FBXO17: variants seen among roughly 807,000 people sequenced by gnomAD.
FBXO17 encodes F-box protein 17.
A neutral mutation model predicts 34.1 loss-of-function variants in FBXO17; 43 were observed. The ratio of observed to expected loss-of-function variants is 1.26; its 90% CI spans 0.99 to 1.62. The LOEUF (loss-of-function observed/expected upper bound fraction) is 1.62. Ranked by LOEUF, FBXO17 falls within the 40% of genes most tolerant of loss-of-function variation. The pLI, the probability that FBXO17 is intolerant of heterozygous loss-of-function variation, is 0.00. For synonymous variants in FBXO17, 169 were observed against 166.0 expected, an observed-to-expected ratio of 1.02 and a Z score of -0.14; for missense variants, 424 against 386.7, an observed-to-expected ratio of 1.10 and a Z score of -0.81.
intron 1 of FBXO17, among the ~76,000 whole-genome samples, chr19:38,958,240 G>A (rs1047511882): frequency 5.3e-5 from 8 of 151,012 alleles, no homozygotes; most frequent in Non-Finnish European, 8.9e-5. Flanking sequence ...GGTGAAACCC[G>A]TCTCTACTAA....
chr19:38,961,077 G>A (rs909359572), intron 1 of FBXO17, among the ~76,000 whole-genome samples: 2 of 151,930 alleles, frequency 1.3e-5, no homozygotes, highest in African/African-American at 4.8e-5. Flanking sequence ...TAAAGTGTTG[G>A]GATTACAGGC....
intron 1 of FBXO17, among the ~76,000 whole-genome samples, chr19:38,971,734 C>A (rs1975393514): frequency 6.6e-6 from 1 of 151,618 alleles, no homozygotes; most frequent in African/African-American, 2.4e-5. Context: ...CTGCAGTGAG[C>A]CAAGACTGTG....
At position 38,975,114 on chromosome 19, in the gene FBXO17, C is replaced by T. The variant is rs928361072; in HGVS notation, c.-18+472G>A. On this transcript the variant is annotated intron_variant, in intron 1 of 5. Coordinates refer to ENST00000292852, the MANE Select transcript of FBXO17 (RefSeq NM_024907.7). This position sits in a 1 kb window ranked among gnomAD's most constrained non-coding sequence, Gnocchi z 4.9. The stretch of plus-strand genomic sequence containing the variant: ...GGGCCGCAGCGAAACACATAATGTG[C>T]CCAAGTTGCTAAATCGAGAAACCGC... Among the ~76,000 whole-genome samples the T allele has an allele frequency of 1.3e-5, 2 of 152,132 alleles. No individual in the cohort carries two copies. The highest frequency in any genetic ancestry group is 2.1e-4 in the South Asian group (1 of 4,832).
In FBXO17 at chr19:38,942,715, G is replaced by A. The variant is rs140379005; in HGVS notation, c.730C>T (p.Arg244Cys). Reference protein sequence around the residue: ...HVFTNFGKGIRYVSFEQYGRD... With the variant: ...HVFTNFGKGICYVSFEQYGRD... Reference sequence around the variant, plus strand: ...CCGTACTGCTCAAAAGATACGTAGCGGATGCCCTTGCCAAAGTTGGTGAAG... The same window carrying A: ...CCGTACTGCTCAAAAGATACGTAGCAGATGCCCTTGCCAAAGTTGGTGAAG... The change falls in exon 6 of 6, where the codon CGC becomes TGC. Residue 244 changes from arginine to cysteine, a missense_variant. Arg to Cys is a radical substitution (Grantham distance 180). Transcript: ENST00000292852. 2.9e-4 allele frequency: 462 copies of A among 1,606,036 alleles called. No individual in the cohort carries two copies. The highest frequency in any genetic ancestry group is 3.4e-4 in the Non-Finnish European group (401 of 1,176,768).
intron 1 of FBXO17, 50 bp from the exon 2 acceptor site, chr19:38,950,386 C>A: frequency 7.2e-7 from 1 of 1,389,242 alleles, no homozygotes; most frequent in East Asian, 2.9e-5. Flanking sequence ...CAGGCCACCC[C>A]CTCCCTACCT....
chr19:38,956,423 C>T (rs942730639), intron 1 of FBXO17, among the ~76,000 whole-genome samples: 7 of 152,064 alleles, frequency 4.6e-5, no homozygotes, highest in Admixed American at 3.3e-4. Context: ...ATGAAGATAA[C>T]AAGCATTAGA....
rs1013907150 is a variant in FBXO17, at chr19:38,946,316, C to T, written c.557+156G>A. On this transcript the variant is annotated intron_variant, in intron 4 of 5. Transcript: ENST00000292852. ...CTGGCTTCTCCAAAGCTCTACCTTC[C>T]CCGGCTCTGCATCACTTCCCCTCTC... is the stretch of plus-strand genomic sequence containing the variant. The T allele has an allele frequency of 3.9e-6, 5 of 1,283,910 alleles. No homozygotes were observed. The African/African-American group carries it at 7.5e-5, about 19-fold the overall frequency. 79.5% of individuals were successfully genotyped at this position (1,283,910 alleles called of 1,614,324 possible). A position where few individuals can be genotyped will look rare whatever the true frequency, so the allele number is the denominator to read the frequency against.
At chr19:38,973,531 C>T (rs1410012892) in intron 1 of FBXO17, among the ~76,000 whole-genome samples, 1 of 151,378 alleles carries the variant, frequency 6.6e-6, no homozygotes, top group African/African-American at 2.4e-5. Context: ...ATCTAAAACA[C>T]TTCGTTTTCC....
chr19:38,958,923 A>T (rs1488358416), intron 1 of FBXO17, among the ~76,000 whole-genome samples: 1 of 151,988 alleles, frequency 6.6e-6, no homozygotes, highest in Non-Finnish European at 1.5e-5. Flanking sequence ...TCTTTTTAAG[A>T]GACAAAGTCT....
chr19:38,963,151 C>T (rs1600201773), intron 1 of FBXO17, among the ~76,000 whole-genome samples: 2 of 152,134 alleles, frequency 1.3e-5, no homozygotes, highest in African/African-American at 4.8e-5. Context: ...TGGATCCTGA[C>T]TGATACACAC....
chr19:38,946,923 C>T (rs1358109704), intron 3 of FBXO17: 5 of 240,102 alleles, frequency 2.1e-5, no homozygotes, highest in Non-Finnish European at 8.2e-6. Context: ...GCTGGACAGC[C>T]TTGTCTCTGT....
chr19:38,954,016 G>C (rs1401821983), intron 1 of FBXO17, among the ~76,000 whole-genome samples: 2 of 152,148 alleles, frequency 1.3e-5, no homozygotes, highest in East Asian at 1.9e-4. Context: ...GAAAAGGTGT[G>C]AATTAGTTGT....
Position 38,963,297 on chromosome 19 carries a change from C to CCT in FBXO17, c.-18+12288_-18+12289insAG, listed in dbSNP as rs397977753. 0.018 allele frequency among the ~76,000 whole-genome samples: 1,372 copies of CCT among 75,888 alleles called. 40 individuals carry two copies. The East Asian group carries it at 0.2, about 11-fold the overall frequency. The allele number at this position is 75,888 out of a possible 152,430, so 49.8% of individuals were successfully genotyped here. ...ATAATGTCCGTGTGATTCACTCATA[C>CCT]TTTTTTTTTTTTTTTGAGGCAGGGT... On this transcript the variant is annotated intron_variant, in intron 1 of 5. Coordinates refer to ENST00000292852, the MANE Select transcript of FBXO17 (RefSeq NM_024907.7).
At chr19:38,957,407 C>G (rs1975181332) in intron 1 of FBXO17, among the ~76,000 whole-genome samples, 2 of 152,090 alleles carry the variant, frequency 1.3e-5, no homozygotes, top group South Asian at 2.1e-4. Context: ...AGTGCAGTTG[C>G]ATGATCTCGG....
chr19:38,945,399 G>C (rs1974962885), intron 4 of FBXO17: 3 of 448,254 alleles, frequency 6.7e-6, no homozygotes, highest in Non-Finnish European at 7.9e-6. Context: ...TGACCCTGGG[G>C]TGGAGCCAGA....
In FBXO17 at chr19:38,956,040, C is replaced by T. The variant is rs139265516; in HGVS notation, c.-17-5704G>A. On this transcript the variant is annotated intron_variant, in intron 1 of 5. Coordinates refer to ENST00000292852, the MANE Select transcript of FBXO17 (RefSeq NM_024907.7). Reference sequence around the variant, plus strand: ...CAGCACTTTGGGAGGCTTAGGTGAGCGGATCACCTGAGGTCGGGAGTTCAA... The same window carrying T: ...CAGCACTTTGGGAGGCTTAGGTGAGTGGATCACCTGAGGTCGGGAGTTCAA... 8.5e-3 allele frequency among the ~76,000 whole-genome samples: 1,288 copies of T among 151,748 alleles called. 16 individuals carry two copies. The highest frequency in any genetic ancestry group is 0.03 in the African/African-American group (1,224 of 41,400).
intron 5 of FBXO17, 133 bp downstream of exon 5, chr19:38,944,836 G>T: frequency 7.6e-7 from 1 of 1,307,536 alleles, no homozygotes; most frequent in Non-Finnish European, 1.1e-6. Context: ...TGGGATGTAA[G>T]AAGGGCTCGA....
intron 1 of FBXO17, among the ~76,000 whole-genome samples, chr19:38,951,717 T>G (rs1210942481): frequency 6.8e-6 from 1 of 147,632 alleles, no homozygotes; most frequent in Non-Finnish European, 1.5e-5. Context: ...GTGGCCCGTC[T>G]CGGCTCACTG....
At chr19:38,952,897 T>C (rs2053647121) in intron 1 of FBXO17, 29 of 454,356 alleles carry the variant, frequency 6.4e-5, no homozygotes, top group South Asian at 4.5e-4. Flanking sequence ...CGCATGATCC[T>C]TCCAACCCAC....
Sources: gnomAD v4.1 joint callset for allele counts (sites outside exome capture counted in the v4.1 genomes callset) on GRCh38, gnomAD v4.1.1 for gene constraint, Gnocchi (gnomAD v3.1) non-coding constraint, MANE v1.5 for transcripts, NCBI Gene and HGNC (gene_info 2026-07-23, HGNC 2026-07-21) for gene names.